Variants in CRTAC1 observed in about 807,000 individuals in gnomAD.
CRTAC1 encodes acidic secreted protein in cartilage.
A neutral mutation model predicts 67.8 loss-of-function variants in CRTAC1; 37 were observed. The observed-to-expected ratio is 0.55, with a 90% CI of 0.42 to 0.72. The LOEUF (loss-of-function observed/expected upper bound fraction) is 0.72. Ranked by LOEUF, CRTAC1 falls within the 30% of genes least tolerant of loss-of-function variation. CRTAC1 has a pLI of 0.00. For synonymous variants in CRTAC1, 348 were observed against 371.0 expected (o/e 0.94, Z 0.71); for missense variants, 780 against 931.6 (o/e 0.84, Z 2.12).
At chr10:98,003,630 C>T (rs913447607) in intron 2 of CRTAC1, among the ~76,000 whole-genome samples, 1 of 152,200 alleles carries the variant, frequency 6.6e-6, no homozygotes, top group African/African-American at 2.4e-5. Flanking sequence ...ATATTCTCCC[C>T]ATTCCAAGGT....
chr10:98,019,607 C>T (rs561824009), intron 1 of CRTAC1, among the ~76,000 whole-genome samples: 13 of 152,206 alleles, frequency 8.5e-5, no homozygotes, highest in Non-Finnish European at 1.0e-4. Context: ...GCTCCCTTCT[C>T]CCAAGGGAGG....
chr10:97,941,599 G>A (rs1228266472), intron 2 of CRTAC1, among the ~76,000 whole-genome samples: 1 of 152,106 alleles, frequency 6.6e-6, no homozygotes. Flanking sequence ...ACTAAGGCCA[G>A]GAACCTGCGT....
intron 1 of CRTAC1, among the ~76,000 whole-genome samples, chr10:98,027,415 C>T (rs1843260296): frequency 6.6e-6 from 1 of 152,172 alleles, no homozygotes; most frequent in African/African-American, 2.4e-5. Context: ...TCTTTGGAAA[C>T]TCTCCAATCC....
At chr10:97,953,637 C>A (rs1378042887) in intron 2 of CRTAC1, among the ~76,000 whole-genome samples, 1 of 152,156 alleles carries the variant, frequency 6.6e-6, no homozygotes, top group Non-Finnish European at 1.5e-5. Flanking sequence ...GCTTAATCCT[C>A]TCAGCAATCC....
chr10:98,005,100 A>ATATATATATTTT, intron 2 of CRTAC1, among the ~76,000 whole-genome samples: 3 of 48,884 alleles, frequency 6.1e-5, no homozygotes, highest in African/African-American at 3.5e-4. Context: ...ATATATATAT[A>ATATATATATTTT]TTTTTTTTTT....
Position 97,896,994 on chromosome 10 carries a change from G to A in CRTAC1, c.1134-3C>T, listed in dbSNP as rs2050470392. 1 of 1,553,938 alleles carries A rather than the reference G, an allele frequency of 6.4e-7. No individual in the cohort carries two copies. The highest frequency in any genetic ancestry group is 8.7e-7 in the Non-Finnish European group (1 of 1,147,684). On this transcript the variant is annotated splice_polypyrimidine_tract_variant and splice_region_variant and intron_variant, in intron 8 of 14. Coordinates refer to ENST00000370597, the MANE Select transcript of CRTAC1 (RefSeq NM_018058.7). ...CTCCGTGCTCTCTACGGATGACGCT[G>A]CAGGAGAGGAGACAGGCTTGCTCTG... is the stretch of plus-strand genomic sequence containing the variant.
At chr10:97,993,580 A>C in intron 2 of CRTAC1, among the ~76,000 whole-genome samples, 1 of 152,236 alleles carries the variant, frequency 6.6e-6, no homozygotes, top group East Asian at 1.9e-4. Context: ...GTAGGCTTGT[A>C]GAATTTGCTT....
intron 14 of CRTAC1, chr10:97,875,905 C>A (rs1009769645): frequency 1.3e-5 from 2 of 152,182 alleles, no homozygotes; most frequent in Non-Finnish European, 2.9e-5. Context: ...GGGTTGGCAA[C>A]CGTGTAGATG....
chr10:98,027,914 C>T (rs1843271949), intron 1 of CRTAC1, among the ~76,000 whole-genome samples: 1 of 152,218 alleles, frequency 6.6e-6, no homozygotes, highest in Non-Finnish European at 1.5e-5. Flanking sequence ...AGTTCCATGT[C>T]TTCCACCAAA....
chr10:98,027,175 A>AAAC (rs1247539185), intron 1 of CRTAC1, among the ~76,000 whole-genome samples: 1 of 151,794 alleles, frequency 6.6e-6, no homozygotes, highest in African/African-American at 2.4e-5. Flanking sequence ...TCAAAAAAAA[A>AAAC]AAAAAGAGAA....
chr10:97,954,723 C>T (rs191978533), intron 2 of CRTAC1, among the ~76,000 whole-genome samples: 66 of 152,344 alleles, frequency 4.3e-4, no homozygotes, highest in African/African-American at 1.6e-3. Flanking sequence ...TGGCTCAACA[C>T]AGAAACTTAT....
chr10:97,882,693 G>T, intron 13 of CRTAC1, 93 bp downstream of exon 13: 1 of 1,388,926 alleles, frequency 7.2e-7, no homozygotes, highest in Non-Finnish European at 1.0e-6. Context: ...TCTGCCCCTT[G>T]CTTGCACCCT....
chr10:97,961,920 T>TCCA (rs1265858965), intron 2 of CRTAC1, among the ~76,000 whole-genome samples: 2 of 152,192 alleles, frequency 1.3e-5, no homozygotes, highest in African/African-American at 2.4e-5. Flanking sequence ...CAGTAACTGG[T>TCCA]GAGTTTCCAT....
intron 2 of CRTAC1, among the ~76,000 whole-genome samples, chr10:97,952,118 C>T (rs1231318918): frequency 2.0e-5 from 3 of 152,012 alleles, no homozygotes; most frequent in East Asian, 1.9e-4. Flanking sequence ...TTTGGGAGGC[C>T]GAGGCGGGCA....
chr10:97,939,409 T>C (rs1409716886), intron 2 of CRTAC1, among the ~76,000 whole-genome samples: 1 of 152,178 alleles, frequency 6.6e-6, no homozygotes, highest in Non-Finnish European at 1.5e-5. Flanking sequence ...TAAACTGACA[T>C]GGTAGCTTGG....
At chr10:97,931,227 C>T (rs2050999162) in intron 3 of CRTAC1, among the ~76,000 whole-genome samples, 1 of 152,184 alleles carries the variant, frequency 6.6e-6, no homozygotes, top group South Asian at 2.1e-4. Flanking sequence ...TGCTTGCTTG[C>T]ATATTTGGTC....
Position 97,895,923 on chromosome 10 carries a change from A to C in CRTAC1, c.1279T>G (p.Ser427Ala), listed in dbSNP as rs746895004. The change falls in exon 10 of 15, where the codon TCC becomes GCC. Residue 427 changes from serine (S) to alanine (A), a missense_variant. Transcript: ENST00000370597. The surrounding 1 kb of genome is among the most constrained non-coding windows in gnomAD (Gnocchi z 4.2). ...AAGACGGACAGCGGCTGAGCCATGG[A>C]CTCTCCATGGGACAAGATGAGGTCC... Reference protein sequence around the residue: ...MLDLILSHGESMAQPLSVFRG... With the variant: ...MLDLILSHGEAMAQPLSVFRG... The C allele has an allele frequency of 1.2e-6, 2 of 1,613,548 alleles. No homozygotes were observed. Among genetic ancestry groups the C allele is most frequent in the African/African-American group, 2.7e-5 (2 of 74,750 alleles).
At chr10:98,017,545 G>GT (rs977427914) in intron 1 of CRTAC1, among the ~76,000 whole-genome samples, 1 of 152,030 alleles carries the variant, frequency 6.6e-6, no homozygotes, top group African/African-American at 2.4e-5. Flanking sequence ...TTTCTTTTCT[G>GT]TTTTTTGAGA....
chr10:97,891,933 T>G (rs944002140), intron 11 of CRTAC1, among the ~76,000 whole-genome samples: 4 of 152,202 alleles, frequency 2.6e-5, no homozygotes, highest in African/African-American at 9.7e-5. Context: ...GCAGCCTGCC[T>G]TCTAGTGCCG....
Sources: allele counts gnomAD v4.1 joint callset (sites outside exome capture counted in the v4.1 genomes callset), GRCh38; gene constraint gnomAD v4.1.1; non-coding constraint Gnocchi (gnomAD v3.1); transcripts MANE v1.5; gene names NCBI Gene and HGNC (gene_info 2026-07-23, HGNC 2026-07-21).